Variants in IQCM observed in about 807,000 individuals in gnomAD.
IQCM encodes the protein IQ motif containing M.
A neutral mutation model predicts 57.6 loss-of-function variants in IQCM; 45 were observed. The ratio of observed to expected loss-of-function variants is 0.78; its 90% CI spans 0.62 to 1.00. The LOEUF (loss-of-function observed/expected upper bound fraction) is 1.00. Ranked by LOEUF, IQCM falls within the 50% of genes least tolerant of loss-of-function variation. The pLI, the probability that IQCM is intolerant of heterozygous loss-of-function variation, is 0.00. For missense variants in IQCM, 468 were observed against 511.6 expected, an observed-to-expected ratio of 0.91 and a Z score of 0.82; for synonymous variants, 148 against 158.9, an observed-to-expected ratio of 0.93 and a Z score of 0.51.
intron 13 of IQCM, among the ~76,000 whole-genome samples, chr4:149,407,562 AT>A (rs34237693): frequency 2.0e-5 from 3 of 151,312 alleles, no homozygotes; most frequent in Admixed American, 2.0e-4. Flanking sequence ...GTGGAAACGG[AT>A]TTTTTTTTAA....
At chr4:149,554,876 T>C (rs12711269) in intron 10 of IQCM, among the ~76,000 whole-genome samples, 114,530 of 150,970 alleles carry the variant, frequency 0.76, 43,841 homozygotes, top group South Asian at 0.9. Context: ...ATTTTTTGTG[T>C]TTTTAGTAGA....
chr4:149,623,718 G>GGTGTGTGTGT (rs3057342), intron 7 of IQCM, among the ~76,000 whole-genome samples: 37 of 146,066 alleles, frequency 2.5e-4, no homozygotes, highest in African/African-American at 8.5e-4. Flanking sequence ...CTGAATCCCA[G>GGTGTGTGTGT]GTGTGTGTGT....
At chr4:149,668,193 T>C (rs982946261) in intron 7 of IQCM, among the ~76,000 whole-genome samples, 3 of 152,108 alleles carry the variant, frequency 2.0e-5, no homozygotes, top group Admixed American at 1.3e-4. Flanking sequence ...TCGGGTTACC[T>C]ACAAAGGGAA....
chr4:149,702,456 A>C lies in IQCM; in HGVS notation c.386-15988T>G, dbSNP rs75680186. 6.2e-3 allele frequency among the ~76,000 whole-genome samples: 948 copies of C among 152,012 alleles called. 11 individuals are homozygous for C. The highest frequency in any genetic ancestry group is 0.022 in the African/African-American group (901 of 41,510). On this transcript the variant is annotated intron_variant, in intron 5 of 13. Transcript: ENST00000636793. ...ACAATAAACATGTTAAGACCCATAA[A>C]AAGAAGCTTTTCACACAGGAGAATG...
Position 149,750,270 on chromosome 4 carries a change from T to G in IQCM, c.-48-7531A>C, listed in dbSNP as rs17026423. On this transcript the variant is annotated intron_variant, in intron 2 of 13. Transcript: ENST00000636793. The stretch of plus-strand genomic sequence containing the variant: ...TCTCCAAAAACTGGTTTCAGAAAAG[T>G]TCACATTATTCCACATTTTTCTCAC... Among the ~76,000 whole-genome samples the G allele has an allele frequency of 9.0e-3, 1,370 of 152,306 alleles. 11 individuals are homozygous for G. Among genetic ancestry groups the G allele is most frequent in the African/African-American group, 0.031 (1,269 of 41,564 alleles).
In IQCM at chr4:149,812,745, T is replaced by C. The variant is rs531536261; in HGVS notation, c.-49+2566A>G. The stretch of plus-strand genomic sequence containing the variant: ...TTCTGCCCTTATACCAGGTATAAAA[T>C]GCAAAGAGAAGGAACTACTTACTCT... On this transcript the variant is annotated intron_variant, in intron 2 of 13. Transcript: ENST00000636793. 3.3e-5 allele frequency among the ~76,000 whole-genome samples: 5 copies of C among 152,290 alleles called. 1 individual carries two copies. The South Asian group carries it at 1.0e-3, about 32-fold the overall frequency.
chr4:149,807,524 T>C (rs7658267), intron 2 of IQCM, among the ~76,000 whole-genome samples: 2 of 151,592 alleles, frequency 1.3e-5, no homozygotes, highest in Non-Finnish European at 3.0e-5. Flanking sequence ...CTGGGCAAAG[T>C]TTTTTTTGGA....
chr4:149,421,304 T>A (rs927527066), intron 13 of IQCM, among the ~76,000 whole-genome samples: 2 of 152,006 alleles, frequency 1.3e-5, no homozygotes, highest in Non-Finnish European at 2.9e-5. Context: ...CAATTATTTT[T>A]TGCACAGATA....
chr4:149,500,445 A>G (rs1743120577), intron 12 of IQCM, among the ~76,000 whole-genome samples: 4 of 152,312 alleles, frequency 2.6e-5, no homozygotes, highest in Middle Eastern at 3.4e-3. Context: ...ATTTAAGTGT[A>G]TGAAAAGAGT....
chr4:149,443,827 G>C (rs1247975717), intron 12 of IQCM, among the ~76,000 whole-genome samples: 2 of 151,862 alleles, frequency 1.3e-5, no homozygotes, highest in African/African-American at 4.8e-5. Flanking sequence ...TGTAGAAAAA[G>C]TACAAATGCT....
chr4:149,620,834 A>C (rs1272157426), intron 8 of IQCM, among the ~76,000 whole-genome samples: 1 of 152,198 alleles, frequency 6.6e-6, no homozygotes. Flanking sequence ...GTACCATTAC[A>C]AAAATAGTGG....
chr4:149,476,759 A>C (rs1287567307), intron 12 of IQCM, among the ~76,000 whole-genome samples: 1 of 152,106 alleles, frequency 6.6e-6, no homozygotes, highest in Admixed American at 6.6e-5. Context: ...GTTTTAAGAA[A>C]CTTTAGGAGT....
chr4:149,779,507 A>G (rs972760799), intron 2 of IQCM, among the ~76,000 whole-genome samples: 1 of 152,190 alleles, frequency 6.6e-6, no homozygotes, highest in Non-Finnish European at 1.5e-5. Flanking sequence ...AATGAAAGTA[A>G]GCCTTTTCAA....
At chr4:149,472,387 TA>T (rs1418969083) in intron 12 of IQCM, among the ~76,000 whole-genome samples, 1 of 152,042 alleles carries the variant, frequency 6.6e-6, no homozygotes, top group Non-Finnish European at 1.5e-5. Context: ...ACAAAGGGAA[TA>T]AAATATCTAG....
At chr4:149,507,604 G>A (rs187910624) in intron 12 of IQCM, among the ~76,000 whole-genome samples, 2 of 152,246 alleles carry the variant, frequency 1.3e-5, no homozygotes, top group African/African-American at 4.8e-5. Context: ...TCTGGCAGCA[G>A]AAATTTCTAA....
chr4:149,682,467 T>C (rs1377948532), intron 6 of IQCM, among the ~76,000 whole-genome samples: 1 of 151,020 alleles, frequency 6.6e-6, no homozygotes, highest in Non-Finnish European at 1.5e-5. Flanking sequence ...CTAGCAAAAA[T>C]CAGGAAAATG....
At chr4:149,615,548 A>G (rs1190084549) in intron 8 of IQCM, among the ~76,000 whole-genome samples, 2 of 152,216 alleles carry the variant, frequency 1.3e-5, no homozygotes, top group Admixed American at 6.5e-5. Flanking sequence ...GCAGAAGTGA[A>G]ACGTTTAAAG....
At position 149,367,521 on chromosome 4, in the gene IQCM, T is replaced by G. The variant is rs374107252; in HGVS notation, c.1391-15455A>C. The stretch of plus-strand genomic sequence containing the variant: ...AGTGTATCTCTAATTCATTAAGTAG[T>G]ACATAGTATTCTATTATATGAATGG... On this transcript the variant is annotated intron_variant, in intron 13 of 13. Transcript: ENST00000636793. 2.9e-4 allele frequency among the ~76,000 whole-genome samples: 44 copies of G among 152,156 alleles called. 1 individual carries two copies. In the East Asian group the frequency reaches 7.5e-3, roughly 26 times the overall value.
chr4:149,579,539 G>A (rs1254221095), intron 9 of IQCM, among the ~76,000 whole-genome samples: 2 of 151,886 alleles, frequency 1.3e-5, no homozygotes, highest in African/African-American at 4.8e-5. Flanking sequence ...ACTAATGCCA[G>A]TGTTAGACTC....
Sources: allele counts gnomAD v4.1 joint callset (sites outside exome capture counted in the v4.1 genomes callset), GRCh38; gene constraint gnomAD v4.1.1; transcripts MANE v1.5; gene names NCBI Gene and HGNC (gene_info 2026-07-23, HGNC 2026-07-21).